CFAP20DC: variants seen among roughly 807,000 people sequenced by gnomAD.
The protein encoded by CFAP20DC is protein CFAP20DC.
CFAP20DC carries 84 observed loss-of-function variants against 101.7 expected under a neutral mutation model. That is an observed-to-expected ratio of 0.83 (90% CI 0.69 to 0.99). CFAP20DC has a LOEUF of 0.99. Ranked by LOEUF, CFAP20DC falls within the 50% of genes least tolerant of loss-of-function variation. The pLI is 0.00. For synonymous variants in CFAP20DC, 359 were observed against 351.2 expected (o/e 1.02, Z -0.25); for missense variants, 1,007 against 970.3 (o/e 1.04, Z -0.50).
intron 13 of CFAP20DC, among the ~76,000 whole-genome samples, chr3:58,838,740 C>T (rs1308807884): frequency 1.3e-5 from 2 of 152,148 alleles, no homozygotes; most frequent in African/African-American, 2.4e-5. Flanking sequence ...GAGCTGAACT[C>T]TTATTAACCT....
rs1355686362 is a variant in CFAP20DC at position 59,006,258 on chromosome 3, C to T, written c.278+33299G>A. Among the ~76,000 whole-genome samples, 3 of 152,070 alleles carry T rather than the reference C, an allele frequency of 2.0e-5. No individual in the cohort carries two copies. The highest frequency in any genetic ancestry group is 2.9e-5 in the Non-Finnish European group (2 of 68,022). On this transcript the variant is annotated intron_variant, in intron 4 of 16. Coordinates refer to ENST00000482387, the MANE Select transcript of CFAP20DC (RefSeq NM_001394063.1). This position sits in a 1 kb window ranked among gnomAD's most constrained non-coding sequence, Gnocchi z 4.3. ...AGCCAAGAAAACTATAAAATCATGA[C>T]GTTAAAAAGCCATCAGAAGGAGATG...
intron 5 of CFAP20DC, among the ~76,000 whole-genome samples, chr3:58,928,432 G>A (rs911789615): frequency 2.0e-5 from 3 of 152,010 alleles, no homozygotes; most frequent in South Asian, 2.1e-4. Flanking sequence ...AGAGCTTTAT[G>A]CTTATTAATT....
At position 58,729,285 on chromosome 3, in the gene CFAP20DC, G is replaced by T. The variant is rs147934002; in HGVS notation, c.198-11657C>A. Among the ~76,000 whole-genome samples, 226 of 152,252 alleles carry T rather than the reference G, an allele frequency of 1.5e-3. 2 individuals are homozygous for T. Among genetic ancestry groups the T allele is most frequent in the African/African-American group, 5.1e-3 (212 of 41,566 alleles). On this transcript the variant is annotated intron_variant, in intron 3 of 3. Coordinates refer to the CFAP20DC transcript ENST00000486145. The surrounding 1 kb of genome is among the most constrained non-coding windows in gnomAD (Gnocchi z 4.4). Reference sequence around the variant, plus strand: ...TAAATGTTTCATAATTTTGTGCACAGAAAACTTGTACTTTTAAAATTAATT... The same window carrying T: ...TAAATGTTTCATAATTTTGTGCACATAAAACTTGTACTTTTAAAATTAATT...
intron 15 of CFAP20DC, among the ~76,000 whole-genome samples, chr3:58,797,295 A>G (rs981984496): frequency 1.3e-5 from 2 of 152,194 alleles, no homozygotes; most frequent in Non-Finnish European, 2.9e-5. Context: ...TACTCCAGAG[A>G]ACACACAAAT....
intron 7 of CFAP20DC, among the ~76,000 whole-genome samples, chr3:58,880,531 T>C (rs2081155710): frequency 6.6e-6 from 1 of 152,154 alleles, no homozygotes; most frequent in South Asian, 2.1e-4. Context: ...AATGTAAAAA[T>C]AGGTATGAGT....
chr3:58,915,110 C>G (rs779711240), intron 5 of CFAP20DC, among the ~76,000 whole-genome samples: 1 of 152,028 alleles, frequency 6.6e-6, no homozygotes, highest in Admixed American at 6.6e-5. Context: ...TTGAGAAGTT[C>G]GGACTAACCA....
At chr3:58,719,706 G>T (rs545386449) in intron 3 of CFAP20DC, among the ~76,000 whole-genome samples, 224 of 152,330 alleles carry the variant, frequency 1.5e-3, no homozygotes, top group African/African-American at 5.1e-3. Flanking sequence ...GGGAAACAGT[G>T]GTTTGGCTTC....
intron 5 of CFAP20DC, among the ~76,000 whole-genome samples, chr3:58,921,498 T>A (rs986511132): frequency 1.3e-5 from 2 of 152,258 alleles, no homozygotes; most frequent in Middle Eastern, 3.4e-3. Context: ...TTTTTACATA[T>A]AGATGACTTA....
At chr3:59,005,227 C>T (rs190574474) in intron 4 of CFAP20DC, among the ~76,000 whole-genome samples, 1 of 152,074 alleles carries the variant, frequency 6.6e-6, no homozygotes, top group African/African-American at 2.4e-5. Context: ...TTTTCCTTGG[C>T]CTCAGCTCTA....
At position 58,944,610 on chromosome 3, in the gene CFAP20DC, T is replaced by C. The variant is rs577956179; in HGVS notation, c.279-6848A>G. 4.6e-5 allele frequency among the ~76,000 whole-genome samples: 7 copies of C among 151,484 alleles called. No homozygotes were observed. The South Asian group carries it at 1.4e-3, about 31-fold the overall frequency. ...GCTCCGAATACAGCAGTACCAAGGA[T>C]TCCCTGGTTTCTGTCCTTATAGAGT... On this transcript the variant is annotated intron_variant, in intron 4 of 16. Transcript: ENST00000482387.
intron 5 of CFAP20DC, among the ~76,000 whole-genome samples, chr3:58,929,376 C>T (rs978609532): frequency 1.3e-5 from 2 of 152,188 alleles, no homozygotes; most frequent in Non-Finnish European, 1.5e-5. Context: ...ATTAACTACA[C>T]ACTGAATAGT....
At chr3:58,933,909 A>C (rs2087112829) in intron 5 of CFAP20DC, among the ~76,000 whole-genome samples, 2 of 152,136 alleles carry the variant, frequency 1.3e-5, no homozygotes, top group African/African-American at 4.8e-5. Context: ...GAAGGCGAGA[A>C]ATAACTAAAA....
At chr3:58,891,741 T>G (rs996021326) in intron 6 of CFAP20DC, among the ~76,000 whole-genome samples, 1 of 152,188 alleles carries the variant, frequency 6.6e-6, no homozygotes, top group African/African-American at 2.4e-5. Context: ...GCAAAAATAT[T>G]CTCCCATTCT....
At chr3:58,817,668 T>G (rs2075299435) in intron 14 of CFAP20DC, among the ~76,000 whole-genome samples, 1 of 147,312 alleles carries the variant, frequency 6.8e-6, no homozygotes, top group South Asian at 2.2e-4. Context: ...GTCTGATTGG[T>G]GTACCTGAAA....
At chr3:58,726,676 G>C (rs1035374987) in intron 3 of CFAP20DC, 1 of 201,764 alleles carries the variant, frequency 5.0e-6, no homozygotes, top group Non-Finnish European at 1.0e-5. Context: ...AGATGAGAAG[G>C]ACCCATCACT....
chr3:58,783,770 C>T lies in CFAP20DC; in HGVS notation c.2237+22625G>A, dbSNP rs1318903059. Among the ~76,000 whole-genome samples, 3 of 151,984 alleles carry T rather than the reference C, an allele frequency of 2.0e-5. No individual in the cohort carries two copies. In the South Asian group the frequency reaches 6.2e-4, roughly 32 times the overall value. On this transcript the variant is annotated intron_variant, in intron 15 of 16. Transcript: ENST00000482387. ...TATCGTCTGACCCCAGTCAGAATGG[C>T]TATTACTAAAAAAACAAAACAAAAC... is the stretch of plus-strand genomic sequence containing the variant.
intron 13 of CFAP20DC, among the ~76,000 whole-genome samples, chr3:58,842,601 T>C (rs1476486640): frequency 6.6e-6 from 1 of 152,202 alleles, no homozygotes; most frequent in Admixed American, 6.5e-5. Flanking sequence ...GCGCCCGCCA[T>C]TGCCCAGGCT....
intron 4 of CFAP20DC, among the ~76,000 whole-genome samples, chr3:59,008,013 T>C (rs1231945709): frequency 6.6e-6 from 1 of 151,932 alleles, no homozygotes; most frequent in Non-Finnish European, 1.5e-5. Context: ...AGAGAAAGGG[T>C]CCTTGTTCCC....
At chr3:58,881,735 A>G (rs938783604) in intron 7 of CFAP20DC, among the ~76,000 whole-genome samples, 1 of 152,164 alleles carries the variant, frequency 6.6e-6, no homozygotes, top group Non-Finnish European at 1.5e-5. Context: ...GCCCATAGTT[A>G]ATTAAAGAGA....
Sources: allele counts gnomAD v4.1 joint callset (sites outside exome capture counted in the v4.1 genomes callset), GRCh38; gene constraint gnomAD v4.1.1; non-coding constraint Gnocchi (gnomAD v3.1); transcripts MANE v1.5; gene names NCBI Gene and HGNC (gene_info 2026-07-23, HGNC 2026-07-21).